ZNF618: variants seen among roughly 807,000 people sequenced by gnomAD.
ZNF618 encodes the protein zinc finger protein 618, also known as neural precursor cell expressed, developmentally down-regulated 10.
ZNF618 carries 34 observed loss-of-function variants against 103.0 expected under a neutral mutation model. The ratio of observed to expected loss-of-function variants is 0.33; its 90% CI spans 0.25 to 0.44. ZNF618 has a LOEUF of 0.44. Among genes scored for constraint, ZNF618 ranks in the 20% least tolerant of loss-of-function variants. The pLI, the probability that ZNF618 is intolerant of heterozygous loss-of-function variation, is 1.00. For synonymous variants in ZNF618, 551 were observed against 542.2 expected (o/e 1.02, Z -0.23); for missense variants, 1,059 against 1,295.4 (o/e 0.82, Z 2.80).
intron 12 of ZNF618, 92 bp downstream of exon 12, chr9:114,032,820 G>A: frequency 8.9e-7 from 1 of 1,120,336 alleles, no homozygotes; most frequent in East Asian, 2.4e-5. Flanking sequence ...GTGGGCTGGG[G>A]TCTTTGTGGT....
intron 6 of ZNF618, 58 bp downstream of exon 6, chr9:114,002,720 A>G: frequency 6.3e-7 from 1 of 1,585,172 alleles, no homozygotes; most frequent in East Asian, 2.2e-5. Context: ...GGTGGGATGA[A>G]GAGGAGCTGC....
intron 1 of ZNF618, among the ~76,000 whole-genome samples, chr9:113,883,865 A>G (rs1012760485): frequency 1.3e-5 from 2 of 150,840 alleles, no homozygotes; most frequent in Non-Finnish European, 2.9e-5. Context: ...TATAAAATCG[A>G]TGGTGCATCT....
intron 1 of ZNF618, among the ~76,000 whole-genome samples, chr9:113,902,353 C>T (rs1392827586): frequency 3.3e-5 from 5 of 152,176 alleles, no homozygotes; most frequent in Non-Finnish European, 2.9e-5. Context: ...TTCTTTCCCT[C>T]CCTTTTAAAA....
In ZNF618 at chr9:114,049,105, C is replaced by T. The variant is rs62640056; in HGVS notation, c.1803C>T (p.Asn601=). 6,309 of 1,613,846 alleles carry T rather than the reference C, an allele frequency of 3.9e-3. 200 individuals carry two copies. The African/African-American group carries it at 0.068, about 17-fold the overall frequency. Residue 601 remains asparagine (N), a synonymous_variant, in exon 15 of 15, where the codon AAC becomes AAT. Transcript: ENST00000374126. ...SGDLVHHWVQ[N]VLSEFVMSEI... is the part of the protein sequence containing the mutation. ...ACCTTGTGCACCACTGGGTGCAGAA[C>T]GTGCTGTCGGAGTTCGTGATGTCGG...
chr9:113,880,790 T>C (rs1226992490), intron 1 of ZNF618, among the ~76,000 whole-genome samples: 1 of 152,260 alleles, frequency 6.6e-6, no homozygotes, highest in Non-Finnish European at 1.5e-5. Flanking sequence ...GATTTCCTCC[T>C]GTGGGTCACG....
intron 13 of ZNF618, among the ~76,000 whole-genome samples, chr9:114,039,317 G>GTTTC (rs1455171626): frequency 6.7e-6 from 1 of 150,036 alleles, no homozygotes; most frequent in Non-Finnish European, 1.5e-5. Flanking sequence ...ACCACACCTG[G>GTTTC]TTTCTTTCTT....
At position 114,054,942 on chromosome 9, in the gene ZNF618, AC is replaced by A. The variant is rs892133266; in HGVS notation, c.*4782del. ...TTCATGCCCCGTCCCTTCCCCCCCC[AC>A]CCCCCCGCCCACCCACCACGGGTGT... On this transcript the variant is annotated 3_prime_UTR_variant, in exon 15 of 15. Transcript: ENST00000374126. The A allele has an allele frequency of 2.2e-5, 1 of 46,316 alleles. No individual in the cohort carries two copies. The highest frequency in any genetic ancestry group is 1.1e-3 in the South Asian group (1 of 890). 2.9% of individuals were successfully genotyped at this position (46,316 alleles called of 1,614,324 possible).
chr9:113,906,487 C>A (rs903846637), intron 1 of ZNF618, among the ~76,000 whole-genome samples: 2 of 151,722 alleles, frequency 1.3e-5, no homozygotes, highest in Non-Finnish European at 2.9e-5. Flanking sequence ...GTGGGGGTGG[C>A]TGGGGAGGAG....
chr9:114,045,310 A>G (rs1010456796), intron 13 of ZNF618, among the ~76,000 whole-genome samples: 9 of 152,222 alleles, frequency 5.9e-5, no homozygotes, highest in Admixed American at 5.2e-4. Flanking sequence ...TAATCAGTTC[A>G]TATGTTTCCT....
At chr9:113,985,020 C>T (rs1156796810) in intron 2 of ZNF618, among the ~76,000 whole-genome samples, 3 of 152,182 alleles carry the variant, frequency 2.0e-5, no homozygotes, top group Non-Finnish European at 4.4e-5. Context: ...GCACATGCCC[C>T]TCCCCTGCCC....
At position 114,049,567 on chromosome 9, in the gene ZNF618, C is replaced by T; in HGVS notation, c.2265C>T (p.Pro755=). 1 of 1,613,860 alleles carries T rather than the reference C, an allele frequency of 6.2e-7. No homozygotes were observed. The highest frequency in any genetic ancestry group is 8.5e-7 in the Non-Finnish European group (1 of 1,179,908). ...TCGAGCTGAGCAACGAGAGCCAGCC[C>T]ACCCTGCAGCTGGTGCTGCCCACCT... is the stretch of plus-strand genomic sequence containing the variant. ...AVIELSNESQ[P]TLQLVLPTYV... The change falls in exon 15 of 15, where the codon CCC becomes CCT. Residue 755 remains proline (P), a synonymous_variant. Coordinates refer to ENST00000374126, the MANE Select transcript of ZNF618 (RefSeq NM_001318042.2).
intron 1 of ZNF618, among the ~76,000 whole-genome samples, chr9:113,921,784 T>G (rs1832673375): frequency 6.6e-6 from 1 of 152,218 alleles, no homozygotes; most frequent in South Asian, 2.1e-4. Flanking sequence ...CATAAAATAT[T>G]TTTATGACAA....
At chr9:113,972,818 G>A (rs1183283324) in intron 2 of ZNF618, among the ~76,000 whole-genome samples, 1 of 152,198 alleles carries the variant, frequency 6.6e-6, no homozygotes, top group Non-Finnish European at 1.5e-5. Context: ...TGTAACCCCA[G>A]TACTTTGGGA....
chr9:113,906,506 T>C (rs971145268), intron 1 of ZNF618, among the ~76,000 whole-genome samples: 2 of 152,182 alleles, frequency 1.3e-5, no homozygotes, highest in African/African-American at 4.8e-5. Context: ...AGGCTTCCTT[T>C]AGACTGCTGC....
chr9:113,956,941 T>C (rs1836361706), intron 1 of ZNF618, among the ~76,000 whole-genome samples: 2 of 152,354 alleles, frequency 1.3e-5, no homozygotes, highest in East Asian at 3.9e-4. Flanking sequence ...TGAACTGATT[T>C]GGTCCTCAGT....
intron 13 of ZNF618, among the ~76,000 whole-genome samples, chr9:114,041,375 T>C (rs1845166030): frequency 6.6e-6 from 1 of 152,244 alleles, no homozygotes; most frequent in South Asian, 2.1e-4. Context: ...GCCATTGCTT[T>C]TGGTGTTTTA....
rs1031738266 is a variant in ZNF618 at position 113,876,429 on chromosome 9, G to T, written c.33+16G>T. On this transcript the variant is annotated intron_variant, in intron 1 of 14. Coordinates refer to ENST00000374126, the MANE Select transcript of ZNF618 (RefSeq NM_001318042.2). ...GGCTCCGCAGGTACGACGGGGGGCC[G>T]GGGGCATGCACCGCGCGGGGGACCC... 3.3e-6 allele frequency: 4 copies of T among 1,197,708 alleles called. No homozygotes were observed. In the Admixed American group the frequency reaches 1.3e-4, roughly 40 times the overall value. The allele number at this position is 1,197,708 out of a possible 1,614,324, so 74.2% of individuals were successfully genotyped here.
chr9:114,036,568 TG>T (rs1844635229), intron 13 of ZNF618, among the ~76,000 whole-genome samples, 191 bp downstream of exon 13: 1 of 151,980 alleles, frequency 6.6e-6, no homozygotes, highest in African/African-American at 2.4e-5. Context: ...GCTCTGCAGG[TG>T]GGGGCGGTGG....
chr9:113,883,982 GCCCCC>G lies in ZNF618; in HGVS notation c.33+7585_33+7589del, dbSNP rs558766678. On this transcript the variant is annotated intron_variant, in intron 1 of 14. Transcript: ENST00000374126. ...TTTACCTCACTTTTCTCTGGGCTTG[GCCCCC>G]CCCCCCCCCCCCCCCGCCCTGTACA... Among the ~76,000 whole-genome samples, 105 of 29,672 alleles carry G rather than the reference GCCCCC, an allele frequency of 3.5e-3. 1 individual carries two copies. Among genetic ancestry groups the G allele is most frequent in the African/African-American group, 0.013 (83 of 6,438 alleles). The allele number at this position is 29,672 out of a possible 152,430, so 19.5% of individuals were successfully genotyped here.
Sources: allele counts gnomAD v4.1 joint callset (sites outside exome capture counted in the v4.1 genomes callset), GRCh38; gene constraint gnomAD v4.1.1; transcripts MANE v1.5; gene names NCBI Gene and HGNC (gene_info 2026-07-23, HGNC 2026-07-21).